Variants in CDC37 observed in about 807,000 individuals in gnomAD.
The protein encoded by CDC37 is cell division cycle 37, HSP90 cochaperone.
In CDC37, 9 loss-of-function variants were observed where a neutral mutation model predicts 46.9. That is an observed-to-expected ratio of 0.19 (90% confidence interval 0.12 to 0.33). The LOEUF is 0.33. Among genes scored for constraint, CDC37 ranks in the 10% least tolerant of loss-of-function variants. The probability of loss-of-function intolerance (pLI) is 1.00; values close to 1 mark genes in which losing one functional copy is unlikely to be tolerated. For missense variants in CDC37, 388 were observed against 514.6 expected (o/e 0.75, Z 2.38); for synonymous variants, 193 against 191.0 (o/e 1.01, Z -0.09).
chr19:10,403,158 C>A (rs2042528939), intron 1 of CDC37, among the ~76,000 whole-genome samples: 1 of 151,894 alleles, frequency 6.6e-6, no homozygotes, highest in South Asian at 2.1e-4. Context: ...GGGAATCCCA[C>A]GCAAAAATCG....
chr19:10,395,043 C>T lies in CDC37; in HGVS notation c.704G>A (p.Arg235Gln), dbSNP rs147241364. ...SLKVDPRACF[R>Q]QFFTKIKTAD... is the part of the protein sequence containing the mutation. The stretch of plus-strand genomic sequence containing the variant: ...TACCTTAATCTTAGTGAAGAACTGC[C>T]GGAAGCAGGCCCGGGGGTCCACCTT... The change falls in exon 5 of 8, where the codon CGG (arginine) becomes CAG (glutamine). Residue 235 changes from arginine (R) to glutamine (Q), a missense_variant. Coordinates refer to ENST00000222005, the MANE Select transcript of CDC37 (RefSeq NM_007065.4). The T allele has an allele frequency of 7.8e-6, 12 of 1,529,022 alleles. No homozygotes were observed. The highest frequency in any genetic ancestry group is 6.3e-5 in the Admixed American group (3 of 47,848). The allele number at this position is 1,529,022 out of a possible 1,614,324, so 94.7% of individuals were successfully genotyped here.
intron 2 of CDC37, 180 bp from the exon 3 acceptor site, chr19:10,395,723 G>A (rs779458417): frequency 1.3e-6 from 1 of 745,490 alleles, no homozygotes; most frequent in Non-Finnish European, 2.2e-6. Flanking sequence ...GGAGGGGACC[G>A]GTGGGGTGTT....
chr19:10,392,281 A>C (rs1317503844), intron 7 of CDC37, among the ~76,000 whole-genome samples: 1 of 152,168 alleles, frequency 6.6e-6, no homozygotes, highest in Non-Finnish European at 1.5e-5. Context: ...GATGATAGGG[A>C]AACAATTGAG....
chr19:10,393,139 C>G lies in CDC37; in HGVS notation c.928G>C (p.Asp310His). 1.9e-6 allele frequency: 3 copies of G among 1,614,000 alleles called. No homozygotes were observed. Among genetic ancestry groups the G allele is most frequent in the Non-Finnish European group, 1.7e-6 (2 of 1,179,980 alleles). ...TGCAGCATCTGCACGTCCTTCACAT[C>G]GAAGCACTTCTGGAGTTCCTGGGGG... is the stretch of plus-strand genomic sequence containing the variant. Reference protein sequence around the residue: ...SLPEELQKCFDVKDVQMLQDA... With the variant: ...SLPEELQKCFHVKDVQMLQDA... Residue 310 changes from aspartate (D) to histidine (H), a missense_variant, in exon 7 of 8, where the codon GAT (aspartate) becomes CAT (histidine). Transcript: ENST00000222005. This position sits in a 1 kb window ranked among gnomAD's most constrained non-coding sequence, Gnocchi z 4.9.
chr19:10,402,506 A>G (rs1283678461), intron 1 of CDC37, among the ~76,000 whole-genome samples: 1 of 152,096 alleles, frequency 6.6e-6, no homozygotes, highest in African/African-American at 2.4e-5. Context: ...AGAGTTTCCA[A>G]TGCTGGCTGA....
At chr19:10,394,905 T>C (rs1259663430) in intron 5 of CDC37, 116 bp downstream of exon 5, 1 of 1,121,570 alleles carries the variant, frequency 8.9e-7, no homozygotes, top group Admixed American at 2.6e-5. Context: ...TGATCTAGGA[T>C]GCGGTGACTG....
intron 5 of CDC37, among the ~76,000 whole-genome samples, chr19:10,394,548 AT>A (rs918313598): frequency 5.9e-5 from 9 of 151,844 alleles, no homozygotes; most frequent in African/African-American, 2.2e-4. Flanking sequence ...TTATTTATTT[AT>A]TTTTGAGATG....
Position 10,391,136 on chromosome 19 carries a change from C to A in CDC37, c.*415G>T. On this transcript the variant is annotated 3_prime_UTR_variant, in exon 8 of 8. Coordinates refer to ENST00000222005, the MANE Select transcript of CDC37 (RefSeq NM_007065.4). Reference sequence around the variant, plus strand: ...ACGGCCCTCCCAGCAGCCCAGAGAGCATCTGAAATCTTTTATTGGAAGATC... The same window carrying A: ...ACGGCCCTCCCAGCAGCCCAGAGAGAATCTGAAATCTTTTATTGGAAGATC... 3.9e-6 allele frequency: 1 copy of A among 254,470 alleles called. No individual in the cohort carries two copies. Among genetic ancestry groups the A allele is most frequent in the Non-Finnish European group, 7.8e-6 (1 of 127,424 alleles). The allele number at this position is 254,470 out of a possible 1,614,324, so 15.8% of individuals were successfully genotyped here.
rs1490621051 is a variant in CDC37, at chr19:10,395,242, G to C, written c.589C>G (p.Leu197Val). 3.7e-6 allele frequency: 6 copies of C among 1,613,998 alleles called. No individual in the cohort carries two copies. The highest frequency in any genetic ancestry group is 5.1e-6 in the Non-Finnish European group (6 of 1,179,958). The change falls in exon 4 of 8, where the codon CTA (leucine) becomes GTA (valine). Residue 197 changes from leucine to valine, a missense_variant. Transcript: ENST00000222005. ...ANYLVIWCID[L>V]EVEEKCALME... ...GCTCCACTCACCTCCTCCACCTCTA[G>C]GTCAATGCACCAAATGACCAGGTAA...
chr19:10,391,237 C>T lies in CDC37; in HGVS notation c.*314G>A. The stretch of plus-strand genomic sequence containing the variant: ...AGAGCCCAGTGACGAGAGCCGGCCC[C>T]TTGGCTGGGGACCCTCCCCAACTAC... On this transcript the variant is annotated 3_prime_UTR_variant, in exon 8 of 8. Coordinates refer to ENST00000222005, the MANE Select transcript of CDC37 (RefSeq NM_007065.4). 2.4e-6 allele frequency: 1 copy of T among 408,418 alleles called. No individual in the cohort carries two copies. Among genetic ancestry groups the T allele is most frequent in the Non-Finnish European group, 4.5e-6 (1 of 222,048 alleles). 25.3% of individuals were successfully genotyped at this position (408,418 alleles called of 1,614,324 possible).
At chr19:10,394,877 C>A in intron 5 of CDC37, 144 bp downstream of exon 5, 4 of 908,666 alleles carry the variant, frequency 4.4e-6, no homozygotes, top group Non-Finnish European at 4.7e-6. Context: ...TCTCCTCCTC[C>A]CTGGCCCCAC....
At position 10,396,195 on chromosome 19, in the gene CDC37, C is replaced by T; in HGVS notation, c.111G>A (p.Val37=). Residue 37 remains valine, a synonymous_variant, in exon 2 of 8, where the codon GTG becomes GTA. Transcript: ENST00000222005. The surrounding 1 kb of genome is among the most constrained non-coding windows in gnomAD (Gnocchi z 5.9). ...CCTTCTGGAACTGCTCCATGCGTTC[C>T]ACCCGGGCCTGCGGGCAGGGACGGC... ...SLFRWRHQAR[V]ERMEQFQKEK... is the part of the protein sequence containing the mutation. The T allele has an allele frequency of 1.2e-6, 2 of 1,613,570 alleles. No individual in the cohort carries two copies. Among genetic ancestry groups the T allele is most frequent in the African/African-American group, 2.7e-5 (2 of 75,038 alleles).
chr19:10,394,531 A>T (rs28382787), intron 5 of CDC37, among the ~76,000 whole-genome samples: 18,889 of 151,274 alleles, frequency 0.12, 1,270 homozygotes, highest in Non-Finnish European at 0.15. Context: ...TTAATTAATT[A>T]ATTTATTTAT....
Position 10,391,370 on chromosome 19 carries a change from C to G in CDC37, c.*181G>C. ...GAAGCCCCTTGACTCAAAGCAGAGA[C>G]TTGAATGGGCGCTGGAGAGTGGAGA... On this transcript the variant is annotated 3_prime_UTR_variant, in exon 8 of 8. Transcript: ENST00000222005. 2 of 703,758 alleles carry G rather than the reference C, an allele frequency of 2.8e-6. No individual in the cohort carries two copies. Among genetic ancestry groups the G allele is most frequent in the Non-Finnish European group, 4.9e-6 (2 of 406,402 alleles). The allele number at this position is 703,758 out of a possible 1,614,324, so 43.6% of individuals were successfully genotyped here. A position where few individuals can be genotyped will look rare whatever the true frequency, so the allele number is the denominator to read the frequency against.
At chr19:10,403,194 C>G (rs750855937) in intron 1 of CDC37, among the ~76,000 whole-genome samples, 184 bp downstream of exon 1, 3 of 151,860 alleles carry the variant, frequency 2.0e-5, no homozygotes, top group Non-Finnish European at 4.4e-5. Context: ...GAGCGGAGAT[C>G]CAGGGCAGGG....
At chr19:10,395,904 G>GCCCCCCCCCCC in intron 2 of CDC37, 24 bp downstream of exon 2, 14 of 1,541,890 alleles carry the variant, frequency 9.1e-6, no homozygotes, top group Non-Finnish European at 1.1e-5. Context: ...CATGCGCACT[G>GCCCCCCCCCCC]CCCGCCCCGC....
chr19:10,395,775 G>GC (rs1278327550), intron 2 of CDC37, 153 bp downstream of exon 2: 2 of 631,202 alleles, frequency 3.2e-6, no homozygotes, highest in East Asian at 5.7e-5. Context: ...CTCCCACGTG[G>GC]CCCCCGTCCA....
At chr19:10,402,287 G>A (rs2042523383) in intron 1 of CDC37, among the ~76,000 whole-genome samples, 1 of 152,148 alleles carries the variant, frequency 6.6e-6, no homozygotes, top group African/African-American at 2.4e-5. Context: ...AGCACTGAGA[G>A]GGTGGTGGGA....
intron 2 of CDC37, 24 bp downstream of exon 2, chr19:10,395,904 G>GGGC: frequency 2.4e-5 from 37 of 1,541,882 alleles, no homozygotes; most frequent in Non-Finnish European, 3.0e-5. Flanking sequence ...CATGCGCACT[G>GGGC]CCCGCCCCGC....
Sources: allele counts gnomAD v4.1 joint callset (sites outside exome capture counted in the v4.1 genomes callset), GRCh38; gene constraint gnomAD v4.1.1; non-coding constraint Gnocchi (gnomAD v3.1); transcripts MANE v1.5; gene names NCBI Gene and HGNC (gene_info 2026-07-23, HGNC 2026-07-21).